The following FBXO25 variants were observed in gnomAD, a reference collection of about 807,000 sequenced individuals.
The protein encoded by FBXO25 is F-box only protein 25.
In FBXO25, 45 loss-of-function variants were observed where a neutral mutation model predicts 51.9. The ratio of observed to expected loss-of-function variants is 0.87; its 90% CI spans 0.68 to 1.11. The LOEUF (loss-of-function observed/expected upper bound fraction) is 1.11, where lower values mean the gene tolerates loss of function less well. FBXO25 is among the 50% of genes most tolerant of loss of function. The pLI, the probability that FBXO25 is intolerant of heterozygous loss-of-function variation, is 0.00. For synonymous variants in FBXO25, 199 were observed against 151.0 expected (o/e 1.32, Z -2.33); for missense variants, 507 against 428.5 (o/e 1.18, Z -1.62).
At chr8:408,121 C>T in intron 1 of FBXO25, among the ~76,000 whole-genome samples, 1 of 152,020 alleles carries the variant, frequency 6.6e-6, no homozygotes, top group East Asian at 1.9e-4. Flanking sequence ...TTATTTCTGA[C>T]TCTCAGCCCT....
At chr8:456,040 T>C (rs979355802) in intron 7 of FBXO25, among the ~76,000 whole-genome samples, 3 of 152,202 alleles carry the variant, frequency 2.0e-5, no homozygotes, top group African/African-American at 7.2e-5. Flanking sequence ...CACCACTTCA[T>C]GCTACCTTTA....
rs934645355 is a variant in FBXO25 at position 468,257 on chromosome 8, T to G, written c.988-458T>G. 6.9e-6 allele frequency: 7 copies of G among 1,013,308 alleles called. No individual in the cohort carries two copies. The African/African-American group carries it at 1.0e-4, about 15-fold the overall frequency. The allele number at this position is 1,013,308 out of a possible 1,614,324, so 62.8% of individuals were successfully genotyped here. ...GGCCGTGTGTCCCCCTCTCCTGTCC[T>G]ATGCAGGGAGCCCAAGCTGATTCAG... On this transcript the variant is annotated intron_variant, in intron 9 of 9. Coordinates refer to ENST00000350302, the MANE Select transcript of FBXO25 (RefSeq NM_183420.2).
intron 9 of FBXO25, 147 bp downstream of exon 9, chr8:463,297 G>A: frequency 2.2e-6 from 2 of 906,884 alleles, no homozygotes; most frequent in Non-Finnish European, 3.3e-6. Context: ...AAATATTGGG[G>A]TAGGGGAACA....
intron 8 of FBXO25, among the ~76,000 whole-genome samples, chr8:462,663 T>C (rs1379735626): frequency 6.6e-6 from 1 of 151,926 alleles, no homozygotes; most frequent in Non-Finnish European, 1.5e-5. Context: ...CCAAATATCA[T>C]ATGTTCTCAG....
rs1166226158 is a variant in FBXO25, at chr8:477,651, G to C, written c.*8847G>C. On this transcript the variant is annotated 3_prime_UTR_variant, in exon 10 of 10. Transcript: ENST00000350302. ...CTTGGAGCAGATGGTAAAGATTGTT[G>C]GCTTTTCCAGCCATGGGGCTCTCTT... The C allele has an allele frequency of 2.0e-5, 3 of 152,242 alleles. No individual in the cohort carries two copies. The highest frequency in any genetic ancestry group is 2.9e-5 in the Non-Finnish European group (2 of 68,054). 9.4% of individuals were successfully genotyped at this position (152,242 alleles called of 1,614,324 possible).
chr8:464,151 C>T (rs748145715), intron 9 of FBXO25, among the ~76,000 whole-genome samples: 1 of 152,098 alleles, frequency 6.6e-6, no homozygotes, highest in Non-Finnish European at 1.5e-5. Context: ...AGGGTTTCAC[C>T]GTGTTACCCA....
intron 9 of FBXO25, among the ~76,000 whole-genome samples, chr8:465,480 G>T (rs899755756): frequency 6.6e-6 from 1 of 152,092 alleles, no homozygotes; most frequent in Non-Finnish European, 1.5e-5. Context: ...ATTTTTCTTA[G>T]AACAATATTT....
chr8:477,522 G>A lies in FBXO25; in HGVS notation c.*8718G>A, dbSNP rs62483141. 5.3e-5 allele frequency: 8 copies of A among 152,242 alleles called. No individual in the cohort carries two copies. The highest frequency in any genetic ancestry group is 1.2e-4 in the Non-Finnish European group (8 of 68,040). The allele number at this position is 152,242 out of a possible 1,614,324, so 9.4% of individuals were successfully genotyped here. A position where few individuals can be genotyped will look rare whatever the true frequency, so the allele number is the denominator to read the frequency against. ...GAAGATGAAATTATAGGATGTCTGG[G>A]ATTTCCTTTGAATCCGTGGGGCTGG... On this transcript the variant is annotated 3_prime_UTR_variant, in exon 10 of 10. Transcript: ENST00000350302.
chr8:437,905 G>A (rs536786648), intron 5 of FBXO25, among the ~76,000 whole-genome samples: 1 of 152,032 alleles, frequency 6.6e-6, no homozygotes, highest in African/African-American at 2.4e-5. Context: ...TTTAGTCTAA[G>A]TTGTCCATAA....
At position 440,943 on chromosome 8, in the gene FBXO25, T is replaced by A. The variant is rs572641788; in HGVS notation, c.381+5236T>A. On this transcript the variant is annotated intron_variant, in intron 5 of 9. Coordinates refer to ENST00000350302, the MANE Select transcript of FBXO25 (RefSeq NM_183420.2). ...CATCCTTTTTTATGACTGCATAGTATTCCATGGTGTATATGTGCCACATTT... is the reference window on the plus strand; with the variant it reads ...CATCCTTTTTTATGACTGCATAGTAATCCATGGTGTATATGTGCCACATTT... 2.0e-5 allele frequency among the ~76,000 whole-genome samples: 3 copies of A among 146,566 alleles called. No homozygotes were observed. In the Admixed American group the frequency reaches 2.1e-4, roughly 10 times the overall value.
chr8:444,001 G>C (rs1967362), intron 5 of FBXO25, among the ~76,000 whole-genome samples: 15,967 of 152,134 alleles, frequency 0.1, 864 homozygotes, highest in South Asian at 0.15. Context: ...TCAGTGCTGT[G>C]GCCTTGGGGC....
rs562256928 is a variant in FBXO25, at chr8:433,263, ATGGTGTGTGG to A, written c.288+332_288+341del. Among the ~76,000 whole-genome samples the A allele has an allele frequency of 4.1e-3, 621 of 151,846 alleles. 1 individual carries two copies. Among genetic ancestry groups the A allele is most frequent in the African/African-American group, 0.014 (596 of 41,240 alleles). ...GTGCAGATACTGGTGTGTGGGATGT[ATGGTGTGTGG>A]TGGCATGTGGTATATGTGTGCAGTG... On this transcript the variant is annotated intron_variant, in intron 4 of 9. Coordinates refer to ENST00000350302, the MANE Select transcript of FBXO25 (RefSeq NM_183420.2).
chr8:435,652 G>C lies in FBXO25; in HGVS notation c.326G>C (p.Arg109Pro), dbSNP rs147533889. 1.9e-6 allele frequency: 3 copies of C among 1,605,914 alleles called. No individual in the cohort carries two copies. Among genetic ancestry groups the C allele is most frequent in the African/African-American group, 1.3e-5 (1 of 74,570 alleles). ...TGCACCTTGGGAGAAGCCTTTAATC[G>C]GTTAGACTTCTCAAGTGCAATTCAA... ...GYCTLGEAFN[R>P]LDFSSAIQDI... The change falls in exon 5 of 10, where the codon CGG becomes CCG. Residue 109 changes from arginine (R) to proline (P), a missense_variant. By Grantham distance (103) the Arg-to-Pro change is moderately radical. Coordinates refer to ENST00000350302, the MANE Select transcript of FBXO25 (RefSeq NM_183420.2).
At chr8:462,312 A>AT (rs1563098162) in intron 8 of FBXO25, among the ~76,000 whole-genome samples, 2 of 152,342 alleles carry the variant, frequency 1.3e-5, no homozygotes, top group African/African-American at 2.4e-5. Context: ...TCCTTTGACC[A>AT]TTTTTTAAAC....
intron 2 of FBXO25, among the ~76,000 whole-genome samples, chr8:422,545 C>G (rs1171468036): frequency 1.3e-5 from 2 of 152,136 alleles, no homozygotes; most frequent in African/African-American, 4.8e-5. Flanking sequence ...CTGGGAGTAC[C>G]ATGCCAGAGT....
chr8:420,778 G>T (rs1334639739), intron 2 of FBXO25, among the ~76,000 whole-genome samples: 1 of 152,230 alleles, frequency 6.6e-6, no homozygotes, highest in Admixed American at 6.5e-5. Context: ...GGGGTTAAGA[G>T]TTGGGGAAAA....
chr8:466,638 T>G lies in FBXO25; in HGVS notation c.988-2077T>G, dbSNP rs563235479. Among the ~76,000 whole-genome samples, 3 of 152,322 alleles carry G rather than the reference T, an allele frequency of 2.0e-5. No individual in the cohort carries two copies. The South Asian group carries it at 6.2e-4, about 32-fold the overall frequency. ...ATCTGTCTCAGGTCTGCATCTGGTA[T>G]TTATCACTTCCCACAGTACATAAGC... On this transcript the variant is annotated intron_variant, in intron 9 of 9. Coordinates refer to ENST00000350302, the MANE Select transcript of FBXO25 (RefSeq NM_183420.2).
chr8:408,371 T>C (rs1796291500), intron 1 of FBXO25, among the ~76,000 whole-genome samples: 2 of 152,218 alleles, frequency 1.3e-5, no homozygotes, highest in Admixed American at 1.3e-4. Context: ...GGCATCTGTT[T>C]TAATAGGGTT....
chr8:471,724 T>C lies in FBXO25; in HGVS notation c.*2920T>C, dbSNP rs746182611. 2 of 152,146 alleles carry C rather than the reference T, an allele frequency of 1.3e-5. No homozygotes were observed. The highest frequency in any genetic ancestry group is 2.9e-5 in the Non-Finnish European group (2 of 68,018). 9.4% of individuals were successfully genotyped at this position (152,146 alleles called of 1,614,324 possible). On this transcript the variant is annotated 3_prime_UTR_variant, in exon 10 of 10. Transcript: ENST00000350302. Reference sequence around the variant, plus strand: ...TCAAAAAGTCACATTCCTCACCTAATTTATGAATACACACAAATTGGAAAG... The same window carrying C: ...TCAAAAAGTCACATTCCTCACCTAACTTATGAATACACACAAATTGGAAAG...
Sources: gnomAD v4.1 joint callset for allele counts (sites outside exome capture counted in the v4.1 genomes callset) on GRCh38, gnomAD v4.1.1 for gene constraint, MANE v1.5 for transcripts, NCBI Gene and HGNC (gene_info 2026-07-23, HGNC 2026-07-21) for gene names.